Variants in MYO7B observed in about 807,000 individuals in gnomAD.
MYO7B encodes myosin VIIB.
Under a neutral mutation model 259.7 loss-of-function variants are expected in MYO7B, and 212 were observed. The ratio of observed to expected loss-of-function variants is 0.82; its 90% CI spans 0.73 to 0.91. MYO7B has a LOEUF of 0.91. Ranked by LOEUF, MYO7B falls within the 40% of genes least tolerant of loss-of-function variation. The probability of loss-of-function intolerance (pLI) is 0.00; values close to 1 mark genes in which losing one functional copy is unlikely to be tolerated. For missense variants in MYO7B, 2,732 were observed against 2,813.5 expected (o/e 0.97, Z 0.66); for synonymous variants, 1,197 against 1,166.4 (o/e 1.03, Z -0.54).
intron 19 of MYO7B, among the ~76,000 whole-genome samples, chr2:127,605,073 G>A (rs1680113346): frequency 6.6e-6 from 1 of 152,194 alleles, no homozygotes; most frequent in Non-Finnish European, 1.5e-5. Context: ...ATAGAGCAAA[G>A]TAACATCATA....
intron 16 of MYO7B, among the ~76,000 whole-genome samples, chr2:127,592,071 G>C (rs1283475621): frequency 6.6e-6 from 1 of 152,200 alleles, no homozygotes; most frequent in African/African-American, 2.4e-5. Context: ...TTTCCACCCC[G>C]ACCTATGTAG....
At position 127,626,956 on chromosome 2, in the gene MYO7B, A is replaced by G. The variant is rs766922052; in HGVS notation, c.4216-19A>G. 4 of 1,598,196 alleles carry G rather than the reference A, an allele frequency of 2.5e-6. No individual in the cohort carries two copies. Among genetic ancestry groups the G allele is most frequent in the Non-Finnish European group, 3.4e-6 (4 of 1,171,472 alleles). On this transcript the variant is annotated intron_variant, in intron 31 of 47. Coordinates refer to ENST00000409816, the MANE Select transcript of MYO7B (RefSeq NM_001393586.1). Reference sequence around the variant, plus strand: ...AGGGAAGGCAGGTGACGGAGGTGACATCCAGGATCCCCCCTCAGGCCCCAT... The same window carrying G: ...AGGGAAGGCAGGTGACGGAGGTGACGTCCAGGATCCCCCCTCAGGCCCCAT...
chr2:127,613,763 A>C lies in MYO7B; in HGVS notation c.3398+1160A>C, dbSNP rs1342231682. Among the ~76,000 whole-genome samples the C allele has an allele frequency of 1.3e-5, 2 of 152,200 alleles. No individual in the cohort carries two copies. The highest frequency in any genetic ancestry group is 4.8e-5 in the African/African-American group (2 of 41,440). On this transcript the variant is annotated intron_variant, in intron 26 of 47. Coordinates refer to ENST00000409816, the MANE Select transcript of MYO7B (RefSeq NM_001393586.1). This position sits in a 1 kb window ranked among gnomAD's most constrained non-coding sequence, Gnocchi z 4.3. ...TTTAGGAGGCAACTACCTTGGCTGG[A>C]CTCAAACTCTGTCTCCTCCATGATG...
At chr2:127,626,904 C>A in intron 31 of MYO7B, 71 bp from the exon 32 acceptor site, 1 of 1,373,784 alleles carries the variant, frequency 7.3e-7, no homozygotes. Flanking sequence ...AACTCTTTTA[C>A]CCTGAGCACT....
rs767327428 is a variant in MYO7B at position 127,612,231 on chromosome 2, G to T, written c.3193-19G>T. 80 of 610,190 alleles carry T rather than the reference G, an allele frequency of 1.3e-4. No homozygotes were observed. Among genetic ancestry groups the T allele is most frequent in the Admixed American group, 4.5e-4 (21 of 46,582 alleles). 37.8% of individuals were successfully genotyped at this position (610,190 alleles called of 1,614,324 possible). A position where few individuals can be genotyped will look rare whatever the true frequency, so the allele number is the denominator to read the frequency against. On this transcript the variant is annotated intron_variant, in intron 24 of 47. Transcript: ENST00000409816. The stretch of plus-strand genomic sequence containing the variant: ...TGAGCCCAGGCTCACCTTCCTGCGG[G>T]AACTGTCTCCCTCCACAGAGATCTG...
rs1479641231 is a variant in MYO7B at position 127,629,766 on chromosome 2, G to A, written c.4746G>A (p.Leu1582=). 1.1e-5 allele frequency: 17 copies of A among 1,609,626 alleles called. No homozygotes were observed. Among genetic ancestry groups the A allele is most frequent in the Non-Finnish European group, 1.3e-5 (15 of 1,178,112 alleles). ...GQNDRTGKTG[L]VPMACLYTIP... Reference sequence around the variant, plus strand: ...ACGACAGGACAGGCAAGACGGGGCTGGTGCCCATGGCCTGCCTCTACACCA... The same window carrying A: ...ACGACAGGACAGGCAAGACGGGGCTAGTGCCCATGGCCTGCCTCTACACCA... Residue 1582 remains leucine (L), a synonymous_variant, in exon 35 of 48, where the codon CTG becomes CTA. Transcript: ENST00000409816.
chr2:127,540,995 G>C (rs181113624), intron 1 of MYO7B, among the ~76,000 whole-genome samples: 8 of 152,312 alleles, frequency 5.3e-5, no homozygotes, highest in African/African-American at 7.2e-5. Context: ...CTAAAATGAT[G>C]GAGGGATTTT....
chr2:127,541,205 G>A lies in MYO7B; in HGVS notation c.-24+5374G>A, dbSNP rs530728130. On this transcript the variant is annotated intron_variant, in intron 1 of 47. Transcript: ENST00000409816. The stretch of plus-strand genomic sequence containing the variant: ...GAGGCATCTCTGTGGCTGTCTCCAC[G>A]GTGAAGGGGGCATCTCCAGGGCTGT... Among the ~76,000 whole-genome samples, 9 of 151,570 alleles carry A rather than the reference G, an allele frequency of 5.9e-5. No homozygotes were observed. In the South Asian group the frequency reaches 1.9e-3, roughly 32 times the overall value.
intron 15 of MYO7B, among the ~76,000 whole-genome samples, chr2:127,589,007 A>G (rs549823089): frequency 6.1e-3 from 129 of 21,142 alleles, no homozygotes; most frequent in Middle Eastern, 0.026. Flanking sequence ...TGGGTGAGTG[A>G]GTGGATGGGT....
At position 127,566,590 on chromosome 2, in the gene MYO7B, GC is replaced by G. The variant is rs1312666364; in HGVS notation, c.286-51del. The G allele has an allele frequency of 4.7e-6, 7 of 1,485,148 alleles. No homozygotes were observed. In the African/African-American group the frequency reaches 9.8e-5, roughly 21 times the overall value. 92.0% of individuals were successfully genotyped at this position (1,485,148 alleles called of 1,614,324 possible). ...AGCCAAGGCCAAGGCCAAGGCCAGG[GC>G]CGAGTACCTCTGCCAGGGGCAGAGG... On this transcript the variant is annotated intron_variant, in intron 4 of 47. Coordinates refer to ENST00000409816, the MANE Select transcript of MYO7B (RefSeq NM_001393586.1).
At position 127,636,240 on chromosome 2, in the gene MYO7B, C is replaced by T; in HGVS notation, c.6039C>T (p.Asp2013=). ...SILLAYDKHK[D]KTVEEAKVAF... is the part of the protein sequence containing the mutation. Reference sequence around the variant, plus strand: ...TTCTAGCCTATGACAAGCATAAGGACAAGACAGTGGAGGAGGCCAAGGTGG... The same window carrying T: ...TTCTAGCCTATGACAAGCATAAGGATAAGACAGTGGAGGAGGCCAAGGTGG... Residue 2013 remains aspartate (D), a synonymous_variant, in exon 45 of 48, where the codon GAC becomes GAT. Coordinates refer to ENST00000409816, the MANE Select transcript of MYO7B (RefSeq NM_001393586.1). This position sits in a 1 kb window ranked among gnomAD's most constrained non-coding sequence, Gnocchi z 4.5. The T allele has an allele frequency of 1.2e-6, 2 of 1,613,614 alleles. No individual in the cohort carries two copies. Among genetic ancestry groups the T allele is most frequent in the Non-Finnish European group, 1.7e-6 (2 of 1,179,804 alleles).
chr2:127,602,860 C>T (rs1298432731), intron 19 of MYO7B, among the ~76,000 whole-genome samples: 2 of 151,894 alleles, frequency 1.3e-5, no homozygotes, highest in Middle Eastern at 3.2e-3. Context: ...ATTAGCCGGG[C>T]GTGGTGATGT....
chr2:127,618,271 TAGA>T (rs1680663629), intron 26 of MYO7B, among the ~76,000 whole-genome samples: 1 of 152,048 alleles, frequency 6.6e-6, no homozygotes, highest in African/African-American at 2.4e-5. Flanking sequence ...GGGATGAACG[TAGA>T]AATGAAAACT....
At position 127,625,808 on chromosome 2, in the gene MYO7B, C is replaced by T. The variant is rs777813962; in HGVS notation, c.4215+273C>T. On this transcript the variant is annotated intron_variant, in intron 31 of 47. Coordinates refer to ENST00000409816, the MANE Select transcript of MYO7B (RefSeq NM_001393586.1). ...TGCTGGTCTGCACTGTGGTGTCTGG[C>T]CAGGCCCTCGCTTCTTGGGATGAGA... Among the ~76,000 whole-genome samples the T allele has an allele frequency of 8.1e-4, 124 of 152,316 alleles. 2 individuals are homozygous for T. The highest frequency in any genetic ancestry group is 1.9e-4 in the Non-Finnish European group (13 of 68,022).
intron 2 of MYO7B, 108 bp from the exon 3 acceptor site, chr2:127,564,045 C>T: frequency 1.4e-6 from 1 of 735,482 alleles, no homozygotes; most frequent in Non-Finnish European, 2.2e-6. Context: ...GCTCCAGCCA[C>T]CTTGGGAGCT....
chr2:127,623,513 C>A, intron 29 of MYO7B, 138 bp downstream of exon 29: 1 of 914,866 alleles, frequency 1.1e-6, no homozygotes, highest in Non-Finnish European at 1.6e-6. Context: ...TGCTTACCCT[C>A]CCAGCCACCA....
intron 1 of MYO7B, among the ~76,000 whole-genome samples, chr2:127,544,575 A>ATTTTTTTTTT (rs35578661): frequency 9.7e-6 from 1 of 103,150 alleles, no homozygotes; most frequent in Non-Finnish European, 1.9e-5. Flanking sequence ...CGTCTGGCTA[A>ATTTTTTTTTT]TTTTTTTTTT....
chr2:127,618,522 C>T (rs1440997653), intron 26 of MYO7B, among the ~76,000 whole-genome samples: 1 of 152,216 alleles, frequency 6.6e-6, no homozygotes, highest in Non-Finnish European at 1.5e-5. Flanking sequence ...GTGCCTGGGT[C>T]GTGACTGCCC....
chr2:127,598,645 G>C (rs1052711519), intron 19 of MYO7B, among the ~76,000 whole-genome samples: 6 of 152,176 alleles, frequency 3.9e-5, no homozygotes, highest in Non-Finnish European at 8.8e-5. Context: ...TTAAGTCTAA[G>C]AACTCTTTTC....
Sources: allele counts gnomAD v4.1 joint callset (sites outside exome capture counted in the v4.1 genomes callset), GRCh38; gene constraint gnomAD v4.1.1; non-coding constraint Gnocchi (gnomAD v3.1); transcripts MANE v1.5; gene names NCBI Gene and HGNC (gene_info 2026-07-23, HGNC 2026-07-21).